PLA2G4A: variants seen among roughly 807,000 people sequenced by gnomAD.
The protein encoded by PLA2G4A is cytosolic phospholipase A2.
PLA2G4A carries 40 observed loss-of-function variants against 81.9 expected under a neutral mutation model. The observed-to-expected ratio is 0.49, with a 90% CI of 0.38 to 0.64. The LOEUF is 0.64. PLA2G4A is among the 30% of genes least tolerant of loss of function. PLA2G4A has a pLI of 0.00. For synonymous variants in PLA2G4A, 302 were observed against 296.9 expected (o/e 1.02, Z -0.18); for missense variants, 715 against 905.1 (o/e 0.79, Z 2.69).
intron 3 of PLA2G4A, among the ~76,000 whole-genome samples, chr1:186,877,861 A>G (rs1481905369): frequency 2.0e-5 from 3 of 150,932 alleles, no homozygotes; most frequent in African/African-American, 7.3e-5. Flanking sequence ...TCAGTGAGAC[A>G]GAATTTTAGA....
rs7546816 is a variant in PLA2G4A, at chr1:186,970,771, C to T, written c.1764+5178C>T. Among the ~76,000 whole-genome samples, 918 of 151,782 alleles carry T rather than the reference C, an allele frequency of 6.0e-3. 5 individuals are homozygous for T. The highest frequency in any genetic ancestry group is 0.019 in the African/African-American group (782 of 41,438). ...ATTCTGTTTCATTGGTCTATATGTC[C>T]GTTTTTGTGCCAGTATCATGCTGTT... On this transcript the variant is annotated intron_variant, in intron 15 of 17. Transcript: ENST00000367466.
At chr1:186,978,813 G>T (rs1191973686) in intron 16 of PLA2G4A, among the ~76,000 whole-genome samples, 2 of 152,178 alleles carry the variant, frequency 1.3e-5, no homozygotes, top group African/African-American at 2.4e-5. Flanking sequence ...TTATTAGTAA[G>T]GAAATGGGGA....
intron 13 of PLA2G4A, among the ~76,000 whole-genome samples, chr1:186,953,640 T>C (rs1040662508): frequency 3.9e-5 from 6 of 152,214 alleles, no homozygotes; most frequent in African/African-American, 1.4e-4. Context: ...CACAGAATTG[T>C]TGCAATCATT....
intron 17 of PLA2G4A, among the ~76,000 whole-genome samples, chr1:186,979,943 C>CTT (rs34029312): frequency 0.33 from 32,540 of 99,088 alleles, 6,320 homozygotes; most frequent in Non-Finnish European, 0.45. Context: ...ACAGCATTTC[C>CTT]TTTTTTTTTT....
intron 1 of PLA2G4A, among the ~76,000 whole-genome samples, chr1:186,836,207 C>A (rs1651770674): frequency 6.6e-6 from 1 of 150,948 alleles, no homozygotes; most frequent in Non-Finnish European, 1.5e-5. Context: ...AATATATAGC[C>A]TATGCATTAA....
intron 7 of PLA2G4A, among the ~76,000 whole-genome samples, chr1:186,922,434 G>T (rs748973677): frequency 6.6e-6 from 1 of 152,206 alleles, no homozygotes; most frequent in Non-Finnish European, 1.5e-5. Flanking sequence ...CAGACTCCAA[G>T]TGCCAGTTCC....
chr1:186,873,070 T>G (rs928544404), intron 3 of PLA2G4A, among the ~76,000 whole-genome samples: 1 of 151,944 alleles, frequency 6.6e-6, no homozygotes, highest in Admixed American at 6.6e-5. Flanking sequence ...CCTTAATGAG[T>G]GCACAAGAGT....
intron 1 of PLA2G4A, among the ~76,000 whole-genome samples, chr1:186,833,104 T>C (rs183216625): frequency 9.8e-4 from 149 of 152,276 alleles, no homozygotes; most frequent in Admixed American, 1.4e-3. Flanking sequence ...GGTGGCGTGA[T>C]GACTGTTCAA....
At chr1:186,830,953 G>T (rs201961032) in intron 1 of PLA2G4A, among the ~76,000 whole-genome samples, 737 of 47,188 alleles carry the variant, frequency 0.016, 4 homozygotes, top group East Asian at 0.032. Context: ...TTGCTTGCTT[G>T]CTTGCTTTCT....
intron 10 of PLA2G4A, among the ~76,000 whole-genome samples, chr1:186,943,929 T>C (rs1459367636): frequency 6.6e-6 from 1 of 152,184 alleles, no homozygotes; most frequent in Non-Finnish European, 1.5e-5. Flanking sequence ...AAAGTCACTT[T>C]GGTGACCAAT....
chr1:186,830,814 T>G (rs895100368), intron 1 of PLA2G4A, among the ~76,000 whole-genome samples: 8 of 152,052 alleles, frequency 5.3e-5, no homozygotes, highest in Middle Eastern at 3.2e-3. Context: ...TCGAATCATC[T>G]ACATATTAAA....
At chr1:186,972,015 T>C (rs1657373429) in intron 15 of PLA2G4A, among the ~76,000 whole-genome samples, 1 of 152,112 alleles carries the variant, frequency 6.6e-6, no homozygotes, top group Non-Finnish European at 1.5e-5. Context: ...CAGAAAATTC[T>C]AGCACTTCGT....
intron 7 of PLA2G4A, among the ~76,000 whole-genome samples, chr1:186,917,120 A>C (rs1655166212): frequency 6.6e-6 from 1 of 151,890 alleles, no homozygotes; most frequent in Non-Finnish European, 1.5e-5. Flanking sequence ...GGTGTTCAGG[A>C]TGATGGTCTG....
At chr1:186,860,523 A>G (rs1393956971) in intron 2 of PLA2G4A, among the ~76,000 whole-genome samples, 1 of 152,202 alleles carries the variant, frequency 6.6e-6, no homozygotes, top group Non-Finnish European at 1.5e-5. Flanking sequence ...AACTGCATCC[A>G]GGAGGGCAAT....
At chr1:186,949,873 A>T (rs371238571) in intron 12 of PLA2G4A, among the ~76,000 whole-genome samples, 1 of 106,806 alleles carries the variant, frequency 9.4e-6, no homozygotes, top group Non-Finnish European at 2.2e-5. Context: ...AAAAAAAAAA[A>T]AAAATTAAAA....
At chr1:186,925,613 C>T (rs1317085818) in intron 7 of PLA2G4A, among the ~76,000 whole-genome samples, 1 of 152,128 alleles carries the variant, frequency 6.6e-6, no homozygotes, top group Non-Finnish European at 1.5e-5. Context: ...CACTTCACCC[C>T]CTTTTTAACT....
intron 2 of PLA2G4A, among the ~76,000 whole-genome samples, chr1:186,862,618 A>G (rs1480046892): frequency 2.0e-5 from 3 of 152,194 alleles, no homozygotes; most frequent in Non-Finnish European, 1.5e-5. Flanking sequence ...TTGTTAGCAT[A>G]TCCATATTTT....
intron 5 of PLA2G4A, among the ~76,000 whole-genome samples, chr1:186,895,213 T>G (rs750115722): frequency 3.9e-5 from 6 of 152,216 alleles, no homozygotes; most frequent in African/African-American, 7.2e-5. Flanking sequence ...ACTGATTAAA[T>G]GTGCCTACAG....
At chr1:186,900,339 T>A (rs904461573) in intron 5 of PLA2G4A, among the ~76,000 whole-genome samples, 1 of 152,206 alleles carries the variant, frequency 6.6e-6, no homozygotes, top group South Asian at 2.1e-4. Context: ...GTAAAACATA[T>A]TAAGATACTT....
Sources: allele counts gnomAD v4.1 joint callset (sites outside exome capture counted in the v4.1 genomes callset), GRCh38; gene constraint gnomAD v4.1.1; transcripts MANE v1.5; gene names NCBI Gene and HGNC (gene_info 2026-07-23, HGNC 2026-07-21).